The following CADPS2 variants were observed in gnomAD, a reference collection of about 807,000 sequenced individuals.
CADPS2 encodes calcium-dependent secretion activator 2.
A neutral mutation model predicts 172.5 loss-of-function variants in CADPS2; 93 were observed. The ratio of observed to expected loss-of-function variants is 0.54; its 90% CI spans 0.46 to 0.64. The LOEUF (loss-of-function observed/expected upper bound fraction) is 0.64. Ranked by LOEUF, CADPS2 falls within the 30% of genes least tolerant of loss-of-function variation. The pLI, the probability that CADPS2 is intolerant of heterozygous loss-of-function variation, is 0.00. For synonymous variants in CADPS2, 546 were observed against 555.2 expected (o/e 0.98, Z 0.23); for missense variants, 1,420 against 1,565.9 (o/e 0.91, Z 1.57).
chr7:122,569,114 T>C (rs1050771110), intron 7 of CADPS2, among the ~76,000 whole-genome samples: 4 of 152,148 alleles, frequency 2.6e-5, no homozygotes, highest in Admixed American at 2.0e-4. Context: ...GACGACATGA[T>C]TGTATATCTA....
chr7:122,393,656 A>G, intron 20 of CADPS2, 74 bp from the exon 21 acceptor site: 1 of 1,528,620 alleles, frequency 6.5e-7, no homozygotes, highest in South Asian at 1.2e-5. Flanking sequence ...GGCCAAAAAA[A>G]CACGTTTTCT....
chr7:122,822,448 C>G (rs1315911086), intron 1 of CADPS2, among the ~76,000 whole-genome samples: 1 of 152,002 alleles, frequency 6.6e-6, no homozygotes, highest in Non-Finnish European at 1.5e-5. Context: ...CCCTGAGAAA[C>G]ATCGCCCATT....
rs75654129 is a variant in CADPS2, at chr7:122,831,739, G to T, written c.339+54260C>A. On this transcript the variant is annotated intron_variant, in intron 1 of 29. Coordinates refer to ENST00000449022, the MANE Select transcript of CADPS2 (RefSeq NM_017954.11). ...TAGATCCCTTTTTACTCTGAGTGCT[G>T]TAAGAGGGGACCATACAGAAGAAAG... Among the ~76,000 whole-genome samples, 158 of 152,258 alleles carry T rather than the reference G, an allele frequency of 1.0e-3. 1 individual carries two copies. In the East Asian group the frequency reaches 0.025, roughly 24 times the overall value.
chr7:122,746,162 T>G (rs1442750468), intron 1 of CADPS2, among the ~76,000 whole-genome samples: 2 of 152,152 alleles, frequency 1.3e-5, no homozygotes, highest in African/African-American at 4.8e-5. Context: ...GTCATTTTAT[T>G]TCAGCAATTG....
rs764619203 is a variant in CADPS2, at chr7:122,345,530, G to C, written c.3612+44C>G. On this transcript the variant is annotated intron_variant, in intron 28 of 29. Transcript: ENST00000449022. Reference sequence around the variant, plus strand: ...TCAAAATTCAACTTTTCTCTTTGCAGTTTATCTATGGTGTCAGCATACCTT... The same window carrying C: ...TCAAAATTCAACTTTTCTCTTTGCACTTTATCTATGGTGTCAGCATACCTT... 5 of 1,169,254 alleles carry C rather than the reference G, an allele frequency of 4.3e-6. No individual in the cohort carries two copies. The African/African-American group carries it at 4.6e-5, about 11-fold the overall frequency. The allele number at this position is 1,169,254 out of a possible 1,614,324, so 72.4% of individuals were successfully genotyped here.
At chr7:122,775,734 C>T (rs893026335) in intron 1 of CADPS2, among the ~76,000 whole-genome samples, 7 of 152,214 alleles carry the variant, frequency 4.6e-5, no homozygotes, top group African/African-American at 1.4e-4. Context: ...CAATCCCTGT[C>T]ACCTTCCTGG....
chr7:122,452,686 G>A (rs139291145), intron 14 of CADPS2, among the ~76,000 whole-genome samples: 2,679 of 152,186 alleles, frequency 0.018, 72 homozygotes, highest in African/African-American at 0.061. Context: ...GTGAGCCACC[G>A]TGCCCAGCTT....
chr7:122,554,081 T>G (rs1024489210), intron 8 of CADPS2, among the ~76,000 whole-genome samples: 2 of 152,096 alleles, frequency 1.3e-5, no homozygotes, highest in African/African-American at 4.8e-5. Context: ...CAATTCTCAC[T>G]CACATGTTTG....
chr7:122,542,957 T>C (rs2063253253), intron 8 of CADPS2, among the ~76,000 whole-genome samples: 1 of 152,134 alleles, frequency 6.6e-6, no homozygotes, highest in Non-Finnish European at 1.5e-5. Context: ...TTATATTTGT[T>C]CTTTCCCTGA....
At chr7:122,698,114 CTA>C in intron 2 of CADPS2, 1 of 1,614,018 alleles carries the variant, frequency 6.2e-7, no homozygotes, top group Non-Finnish European at 8.5e-7. Flanking sequence ...AGAATACGAA[CTA>C]TGTCATTAGG....
chr7:122,350,816 C>T lies in CADPS2; in HGVS notation c.3505-5135G>A, dbSNP rs187099826. Among the ~76,000 whole-genome samples the T allele has an allele frequency of 7.9e-4, 120 of 151,048 alleles. 1 individual carries two copies. In the East Asian group the frequency reaches 0.022, roughly 28 times the overall value. ...TCCTGGGCAACATGGCAAGACCCTG[C>T]CTGTATAAAAAAGTAAAAAATTAGC... On this transcript the variant is annotated intron_variant, in intron 27 of 29. Coordinates refer to ENST00000449022, the MANE Select transcript of CADPS2 (RefSeq NM_017954.11).
In CADPS2 at chr7:122,696,304, G is replaced by A. The variant is rs571641547; in HGVS notation, c.454-32735C>T. 7.9e-5 allele frequency among the ~76,000 whole-genome samples: 12 copies of A among 152,220 alleles called. 1 individual carries two copies. In the South Asian group the frequency reaches 2.5e-3, roughly 32 times the overall value. On this transcript the variant is annotated intron_variant, in intron 2 of 29. Transcript: ENST00000449022. ...GCTCAAAATAACACTTAGTGTTCCT[G>A]CTAAATCCTCCAGTAGTCCAGTGCT... is the stretch of plus-strand genomic sequence containing the variant.
intron 9 of CADPS2, among the ~76,000 whole-genome samples, chr7:122,494,612 A>AT (rs1187962899): frequency 6.6e-6 from 1 of 151,582 alleles, no homozygotes; most frequent in Non-Finnish European, 1.5e-5. Context: ...GGATGGTGAA[A>AT]TGATAGGTTA....
At chr7:122,333,302 A>AT (rs1451239848) in intron 28 of CADPS2, among the ~76,000 whole-genome samples, 1 of 152,238 alleles carries the variant, frequency 6.6e-6, no homozygotes, top group African/African-American at 2.4e-5. Flanking sequence ...TAGTCTTGAG[A>AT]TGAAACTCAT....
Position 122,819,440 on chromosome 7 carries a change from C to T in CADPS2, c.339+66559G>A, listed in dbSNP as rs925539201. Among the ~76,000 whole-genome samples, 2 of 152,146 alleles carry T rather than the reference C, an allele frequency of 1.3e-5. 1 individual carries two copies. Among genetic ancestry groups the T allele is most frequent in the South Asian group, 4.1e-4 (2 of 4,836 alleles). ...GAAGCCCCCTAGACCATCACGGACG[C>T]CAAGCTTCGGGTAACTCTCACAATG... On this transcript the variant is annotated intron_variant, in intron 1 of 29. Coordinates refer to ENST00000449022, the MANE Select transcript of CADPS2 (RefSeq NM_017954.11).
At chr7:122,640,669 C>T (rs558690184) in intron 3 of CADPS2, among the ~76,000 whole-genome samples, 7 of 152,224 alleles carry the variant, frequency 4.6e-5, no homozygotes, top group African/African-American at 1.7e-4. Flanking sequence ...CGGTGGCTCA[C>T]GCCTCTAATC....
chr7:122,391,441 T>C (rs996905712), intron 22 of CADPS2, among the ~76,000 whole-genome samples: 1 of 152,030 alleles, frequency 6.6e-6, no homozygotes, highest in Admixed American at 6.6e-5. Context: ...CCCATGATAG[T>C]GTTCTTGGCT....
chr7:122,764,384 T>G (rs1340712293), intron 1 of CADPS2, among the ~76,000 whole-genome samples: 1 of 152,192 alleles, frequency 6.6e-6, no homozygotes, highest in African/African-American at 2.4e-5. Context: ...GACACATAAC[T>G]ATCTGACAAA....
chr7:122,523,362 C>T (rs1051335597), intron 8 of CADPS2, among the ~76,000 whole-genome samples: 5 of 151,868 alleles, frequency 3.3e-5, no homozygotes, highest in African/African-American at 1.2e-4. Flanking sequence ...CCAAATAACC[C>T]AACTAAATCA....
Sources: allele counts gnomAD v4.1 joint callset (sites outside exome capture counted in the v4.1 genomes callset), GRCh38; gene constraint gnomAD v4.1.1; transcripts MANE v1.5; gene names NCBI Gene and HGNC (gene_info 2026-07-23, HGNC 2026-07-21).